The following CCSER1 variants were observed in gnomAD, a reference collection of about 807,000 sequenced individuals.
The protein encoded by CCSER1 is serine-rich coiled-coil domain-containing protein 1.
In CCSER1, 41 loss-of-function variants were observed where a neutral mutation model predicts 82.0. The ratio of observed to expected loss-of-function variants is 0.50; its 90% CI spans 0.39 to 0.65. CCSER1 has a LOEUF of 0.65. Ranked by LOEUF, CCSER1 falls within the 30% of genes least tolerant of loss-of-function variation. The probability of loss-of-function intolerance (pLI) is 0.00; values close to 1 mark genes in which losing one functional copy is unlikely to be tolerated. For synonymous variants in CCSER1, 414 were observed against 383.9 expected (o/e 1.08, Z -0.92); for missense variants, 1,119 against 1,064.2 (o/e 1.05, Z -0.72).
intron 9 of CCSER1, among the ~76,000 whole-genome samples, chr4:91,043,296 C>T (rs1165315620): frequency 1.3e-5 from 2 of 151,772 alleles, no homozygotes; most frequent in Admixed American, 6.6e-5. Flanking sequence ...TAAAACTCCC[C>T]AAATTATTCT....
intron 1 of CCSER1, among the ~76,000 whole-genome samples, chr4:90,155,851 G>T (rs1383215540): frequency 2.0e-5 from 3 of 151,168 alleles, no homozygotes; most frequent in African/African-American, 7.3e-5. Context: ...TTTTTGAAGG[G>T]TTTTTTGTGT....
rs1246694073 is a variant in CCSER1, at chr4:91,214,524, CT to C, written c.2217+128531del. Among the ~76,000 whole-genome samples, 7 of 152,186 alleles carry C rather than the reference CT, an allele frequency of 4.6e-5. No individual in the cohort carries two copies. The South Asian group carries it at 1.5e-3, about 32-fold the overall frequency. On this transcript the variant is annotated intron_variant, in intron 10 of 10. Transcript: ENST00000509176. ...ACTTAAAATTCTTTTATTTCTCTAC[CT>C]ATTCATAGTTCATATTTCCTTCTCT...
intron 10 of CCSER1, among the ~76,000 whole-genome samples, chr4:91,214,251 T>C (rs1246666476): frequency 2.0e-5 from 3 of 152,192 alleles, no homozygotes; most frequent in Non-Finnish European, 4.4e-5. Context: ...CGATAATCTT[T>C]ACTCCACAGA....
chr4:90,367,662 C>G (rs1446161148), intron 3 of CCSER1, among the ~76,000 whole-genome samples: 1 of 151,602 alleles, frequency 6.6e-6, no homozygotes, highest in Non-Finnish European at 1.5e-5. Context: ...AACAGAAAGA[C>G]CTTTGCAAGA....
intron 5 of CCSER1, among the ~76,000 whole-genome samples, chr4:90,506,454 T>G (rs1198719223): frequency 1.3e-5 from 2 of 152,282 alleles, no homozygotes; most frequent in African/African-American, 4.8e-5. Context: ...CAAATAAATG[T>G]TTTTCAGCAT....
At chr4:90,150,732 A>C (rs1399299005) in intron 1 of CCSER1, among the ~76,000 whole-genome samples, 1 of 152,164 alleles carries the variant, frequency 6.6e-6, no homozygotes, top group East Asian at 1.9e-4. Context: ...TAAGTAAGCC[A>C]GCTCTATTCT....
chr4:91,516,385 T>G (rs570951105), intron 10 of CCSER1, among the ~76,000 whole-genome samples: 15 of 152,300 alleles, frequency 9.8e-5, no homozygotes, highest in African/African-American at 2.9e-4. Flanking sequence ...GATTTTTGTA[T>G]ACGGTTCAAG....
intron 4 of CCSER1, among the ~76,000 whole-genome samples, chr4:90,433,746 A>G (rs944462213): frequency 2.6e-5 from 4 of 151,962 alleles, no homozygotes; most frequent in South Asian, 2.1e-4. Context: ...ATGGTTTTCT[A>G]TCTTTTCTTC....
At chr4:91,439,548 C>T (rs886269352) in intron 10 of CCSER1, among the ~76,000 whole-genome samples, 6 of 151,966 alleles carry the variant, frequency 3.9e-5, no homozygotes, top group Admixed American at 2.0e-4. Context: ...TAAAGACCAT[C>T]GAGACTAGGA....
chr4:91,182,333 T>C (rs1033741581), intron 10 of CCSER1, among the ~76,000 whole-genome samples: 11 of 152,240 alleles, frequency 7.2e-5, no homozygotes, highest in African/African-American at 2.7e-4. Context: ...ATTTCCCAAA[T>C]TTTGTTAACG....
At chr4:91,556,858 AT>A (rs1452243686) in intron 10 of CCSER1, among the ~76,000 whole-genome samples, 3 of 151,330 alleles carry the variant, frequency 2.0e-5, no homozygotes, top group South Asian at 2.1e-4. Flanking sequence ...ATTATATGAA[AT>A]GATTAGAATG....
In CCSER1 at chr4:91,419,084, C is replaced by T. The variant is rs372439750; in HGVS notation, c.2218-179488C>T. ...AAATTAGGTATAAAACAATGTATCT[C>T]AGCATAATGAGTGGTCATATAAAAC... On this transcript the variant is annotated intron_variant, in intron 10 of 10. Coordinates refer to ENST00000509176, the MANE Select transcript of CCSER1 (RefSeq NM_001145065.2). Among the ~76,000 whole-genome samples, 10 of 151,902 alleles carry T rather than the reference C, an allele frequency of 6.6e-5. 1 individual carries two copies. In the South Asian group the frequency reaches 8.3e-4, roughly 13 times the overall value.
Position 90,618,913 on chromosome 4 carries a change from A to G in CCSER1, c.1725-9112A>G, listed in dbSNP as rs17838995. ...ATCTTATATATTTCTTCCACTAAAC[A>G]TATTTCAAATGAAATATAGTATGTA... is the stretch of plus-strand genomic sequence containing the variant. On this transcript the variant is annotated intron_variant, in intron 5 of 10. Coordinates refer to ENST00000509176, the MANE Select transcript of CCSER1 (RefSeq NM_001145065.2). Among the ~76,000 whole-genome samples, 731 of 151,972 alleles carry G rather than the reference A, an allele frequency of 4.8e-3. 23 individuals carry two copies. The highest frequency in any genetic ancestry group is 0.035 in the Admixed American group (529 of 15,258).
At chr4:91,045,921 A>C (rs984913401) in intron 9 of CCSER1, among the ~76,000 whole-genome samples, 2 of 151,744 alleles carry the variant, frequency 1.3e-5, no homozygotes, top group Admixed American at 6.6e-5. Flanking sequence ...GGGCTGTTTT[A>C]CAGGATTTGG....
chr4:91,096,154 C>G (rs1001613740), intron 10 of CCSER1, among the ~76,000 whole-genome samples: 1 of 152,166 alleles, frequency 6.6e-6, no homozygotes, highest in South Asian at 2.1e-4. Flanking sequence ...CCTCATCTAT[C>G]CCAGCATATT....
At chr4:91,456,790 C>A (rs1011166136) in intron 10 of CCSER1, among the ~76,000 whole-genome samples, 33 of 151,856 alleles carry the variant, frequency 2.2e-4, no homozygotes, top group Admixed American at 6.6e-4. Flanking sequence ...GGAACCAGAC[C>A]CACTAAAATA....
At chr4:90,668,080 A>C (rs1005092732) in intron 6 of CCSER1, among the ~76,000 whole-genome samples, 5 of 152,196 alleles carry the variant, frequency 3.3e-5, no homozygotes, top group African/African-American at 1.2e-4. Context: ...GTAGATCTAA[A>C]GATGCCAATC....
chr4:90,608,753 A>C (rs1296206799), intron 5 of CCSER1, among the ~76,000 whole-genome samples: 1 of 151,672 alleles, frequency 6.6e-6, no homozygotes, highest in African/African-American at 2.4e-5. Flanking sequence ...CTCACTTCTT[A>C]TTTTGCCTTT....
chr4:91,397,026 G>C (rs1031887272), intron 10 of CCSER1, among the ~76,000 whole-genome samples: 1 of 152,062 alleles, frequency 6.6e-6, no homozygotes, highest in Non-Finnish European at 1.5e-5. Flanking sequence ...CCAAGCTAGA[G>C]AGAAGCATCT....
Sources: gnomAD v4.1 joint callset for allele counts (sites outside exome capture counted in the v4.1 genomes callset) on GRCh38, gnomAD v4.1.1 for gene constraint, MANE v1.5 for transcripts, NCBI Gene and HGNC (gene_info 2026-07-23, HGNC 2026-07-21) for gene names.